The following SPATA13 variants were observed in gnomAD, a reference collection of about 807,000 sequenced individuals.
SPATA13 encodes spermatogenesis associated 13, also known as spermatogenesis-associated protein 13.
SPATA13 carries 50 observed loss-of-function variants against 104.0 expected under a neutral mutation model. The observed-to-expected ratio is 0.48, with a 90% confidence interval of 0.38 to 0.61. The LOEUF is 0.61. Ranked by LOEUF, SPATA13 falls within the 20% of genes least tolerant of loss-of-function variation. SPATA13 has a pLI of 0.00. For missense variants in SPATA13, 1,524 were observed against 1,690.6 expected (o/e 0.90, Z 1.73); for synonymous variants, 606 against 667.5 (o/e 0.91, Z 1.42).
chr13:24,191,945 T>G (rs781510942), intron 1 of SPATA13, among the ~76,000 whole-genome samples: 1 of 151,998 alleles, frequency 6.6e-6, no homozygotes, highest in African/African-American at 2.4e-5. Flanking sequence ...TGCGTACACA[T>G]TGAAGGGTGA....
intron 1 of SPATA13, among the ~76,000 whole-genome samples, chr13:24,194,910 C>T (rs957450057): frequency 6.6e-6 from 1 of 152,168 alleles, no homozygotes; most frequent in Non-Finnish European, 1.5e-5. Flanking sequence ...TGAATTATGA[C>T]TAAATTCATG....
At chr13:24,180,650 T>TTCAAAAATG (rs1252556029) in intron 1 of SPATA13, among the ~76,000 whole-genome samples, 2 of 152,226 alleles carry the variant, frequency 1.3e-5, no homozygotes, top group Non-Finnish European at 1.5e-5. Context: ...TTAAATATCT[T>TTCAAAAATG]TCAAAAATGT....
At chr13:24,089,056 A>G (rs889428754) in intron 3 of SPATA13, among the ~76,000 whole-genome samples, 4 of 152,218 alleles carry the variant, frequency 2.6e-5, no homozygotes, top group African/African-American at 9.6e-5. Context: ...GTATCTCAAG[A>G]CAACTCAATT....
At chr13:23,998,155 G>GTCT (rs1225437512) in intron 2 of SPATA13, among the ~76,000 whole-genome samples, 1 of 152,164 alleles carries the variant, frequency 6.6e-6, no homozygotes, top group African/African-American at 2.4e-5. Flanking sequence ...GTTTTCTGAA[G>GTCT]TCTTTGCACC....
intron 3 of SPATA13, among the ~76,000 whole-genome samples, chr13:24,113,989 G>C (rs771932081): frequency 1.3e-5 from 2 of 151,874 alleles, no homozygotes; most frequent in Non-Finnish European, 2.9e-5. Flanking sequence ...TTATGGGTTT[G>C]ATCTTTCATA....
rs201669597 is a variant in SPATA13 at position 24,051,707 on chromosome 13, G to A, written c.-112+34006G>A. 6.6e-6 allele frequency among the ~76,000 whole-genome samples: 1 copy of A among 152,056 alleles called. No homozygotes were observed. Among genetic ancestry groups the A allele is most frequent in the African/African-American group, 2.4e-5 (1 of 41,354 alleles). ...TTACACAGAGGAGATGATATGAGGC[G>A]AATCTTCAGAGGTGGGAGCTTTAGG... On this transcript the variant is annotated intron_variant, in intron 3 of 14. Transcript: ENST00000424834. The surrounding 1 kb of genome is among the most constrained non-coding windows in gnomAD (Gnocchi z 4.2).
chr13:23,984,941 G>T (rs771941048), intron 2 of SPATA13, among the ~76,000 whole-genome samples: 4 of 152,174 alleles, frequency 2.6e-5, no homozygotes, highest in Non-Finnish European at 2.9e-5. Context: ...CTGTGTAACC[G>T]GCCGGCGTGC....
chr13:24,173,399 TGTGG>T (rs1566132719), intron 1 of SPATA13, among the ~76,000 whole-genome samples: 3 of 132,870 alleles, frequency 2.3e-5, no homozygotes, highest in Admixed American at 8.0e-5. Flanking sequence ...TGTGTGTGTG[TGTGG>T]TAGATTTCTT....
At chr13:24,076,966 G>A (rs756290966) in intron 3 of SPATA13, among the ~76,000 whole-genome samples, 13 of 151,964 alleles carry the variant, frequency 8.6e-5, no homozygotes, top group Non-Finnish European at 1.8e-4. Flanking sequence ...CTTTCCAGGG[G>A]GATACGGCAA....
intron 1 of SPATA13, among the ~76,000 whole-genome samples, chr13:24,179,627 C>CT (rs979823553): frequency 2.6e-5 from 4 of 152,206 alleles, no homozygotes; most frequent in African/African-American, 9.7e-5. Context: ...CTCCCAGCCC[C>CT]TGGCAACCTC....
intron 2 of SPATA13, among the ~76,000 whole-genome samples, chr13:24,233,886 AACACACAC>A (rs10571334): frequency 0.24 from 35,613 of 147,512 alleles, 4,313 homozygotes; most frequent in African/African-American, 0.29. Context: ...TATACACTTA[AACACACAC>A]ACACACACAC....
chr13:24,137,525 T>C (rs1452775095), intron 3 of SPATA13, among the ~76,000 whole-genome samples: 1 of 152,178 alleles, frequency 6.6e-6, no homozygotes, highest in East Asian at 1.9e-4. Context: ...TTTGGGAGGC[T>C]GAGGCGGGAG....
intron 1 of SPATA13, among the ~76,000 whole-genome samples, chr13:24,165,301 C>T (rs1882677616): frequency 6.6e-6 from 1 of 152,152 alleles, no homozygotes; most frequent in Admixed American, 6.5e-5. Flanking sequence ...GCCAGGTCTG[C>T]CCTGAAGACC....
intron 2 of SPATA13, among the ~76,000 whole-genome samples, chr13:24,012,249 T>A (rs1876502515): frequency 6.6e-6 from 1 of 152,226 alleles, no homozygotes; most frequent in East Asian, 1.9e-4. Context: ...TAGGGACTCC[T>A]CCAGAAGAGA....
intron 3 of SPATA13, among the ~76,000 whole-genome samples, chr13:24,054,967 T>C (rs557006943): frequency 6.6e-6 from 1 of 152,198 alleles, no homozygotes; most frequent in Non-Finnish European, 1.5e-5. Context: ...CTGGTTATTA[T>C]GACTATTATT....
intron 1 of SPATA13, among the ~76,000 whole-genome samples, chr13:24,182,436 G>T (rs538268103): frequency 3.1e-4 from 47 of 152,292 alleles, no homozygotes; most frequent in Admixed American, 9.2e-4. Context: ...TCCAGTCACA[G>T]TGGGAGGTGA....
In SPATA13 at chr13:24,222,894, G is replaced by C. The variant is rs1380533397; in HGVS notation, c.-36G>C. The C allele has an allele frequency of 4.5e-6, 7 of 1,549,674 alleles. No homozygotes were observed. Among genetic ancestry groups the C allele is most frequent in the East Asian group, 2.4e-5 (1 of 40,856 alleles). ...CGGCATTCCTGGAGATGAAGGCCTGGAGCTGCGGTCTGCGGACTCGGCAGT... is the reference window on the plus strand; with the variant it reads ...CGGCATTCCTGGAGATGAAGGCCTGCAGCTGCGGTCTGCGGACTCGGCAGT... On this transcript the variant is annotated 5_prime_UTR_variant, in exon 2 of 13. Coordinates refer to ENST00000382108, the MANE Select transcript of SPATA13 (RefSeq NM_001166271.3).
At chr13:24,012,729 A>C (rs1876528470) in intron 2 of SPATA13, among the ~76,000 whole-genome samples, 1 of 152,252 alleles carries the variant, frequency 6.6e-6, no homozygotes, top group South Asian at 2.1e-4. Flanking sequence ...CTTGCTGGGA[A>C]TGGCACGGGC....
chr13:24,105,123 G>A (rs1880395827), intron 3 of SPATA13, among the ~76,000 whole-genome samples: 1 of 151,838 alleles, frequency 6.6e-6, no homozygotes, highest in Non-Finnish European at 1.5e-5. Context: ...GTTTTGTTTT[G>A]TTTTGTTTTG....
Sources: allele counts gnomAD v4.1 joint callset (sites outside exome capture counted in the v4.1 genomes callset), GRCh38; gene constraint gnomAD v4.1.1; non-coding constraint Gnocchi (gnomAD v3.1); transcripts MANE v1.5; gene names NCBI Gene and HGNC (gene_info 2026-07-23, HGNC 2026-07-21).